Variants in PTPRN2 observed in about 807,000 individuals in gnomAD.
PTPRN2 encodes the protein receptor-type tyrosine-protein phosphatase N2.
PTPRN2 carries 74 observed loss-of-function variants against 118.8 expected under a neutral mutation model. That is an observed-to-expected ratio of 0.62 (90% CI 0.52 to 0.76). PTPRN2 has a LOEUF of 0.76. PTPRN2 is among the 30% of genes least tolerant of loss of function. The pLI, the probability that PTPRN2 is intolerant of heterozygous loss-of-function variation, is 0.00. For missense variants in PTPRN2, 1,481 were observed against 1,394.4 expected (o/e 1.06, Z -0.99); for synonymous variants, 641 against 608.0 (o/e 1.05, Z -0.80).
At chr7:157,804,497 C>A (rs906265157) in intron 12 of PTPRN2, among the ~76,000 whole-genome samples, 2 of 152,028 alleles carry the variant, frequency 1.3e-5, no homozygotes, top group African/African-American at 4.8e-5. Context: ...GCCAAGGTCC[C>A]AGCCAAAAAG....
intron 2 of PTPRN2, among the ~76,000 whole-genome samples, chr7:158,390,383 A>G (rs909009047): frequency 1.3e-5 from 2 of 152,224 alleles, no homozygotes; most frequent in African/African-American, 4.8e-5. Flanking sequence ...TGGGAAACAC[A>G]TTTGCCTTCA....
At chr7:158,131,197 C>T (rs185184661) in intron 9 of PTPRN2, among the ~76,000 whole-genome samples, 1 of 151,752 alleles carries the variant, frequency 6.6e-6, no homozygotes, top group Non-Finnish European at 1.5e-5. Context: ...ACCTGACATA[C>T]ACACTCATAT....
rs562297091 is a variant in PTPRN2 at position 158,162,048 on chromosome 7, C to A, written c.910+4883G>T. 5.3e-5 allele frequency among the ~76,000 whole-genome samples: 8 copies of A among 152,238 alleles called. No individual in the cohort carries two copies. The South Asian group carries it at 1.7e-3, about 32-fold the overall frequency. On this transcript the variant is annotated intron_variant, in intron 6 of 22. Transcript: ENST00000389418. ...ATGACAACGAGACACCACCACACAC[C>A]TCTCAGAAGGGCCGGAACCCAGAAC... is the stretch of plus-strand genomic sequence containing the variant.
chr7:158,080,328 A>C (rs970899794), intron 11 of PTPRN2, among the ~76,000 whole-genome samples: 3 of 150,940 alleles, frequency 2.0e-5, no homozygotes, highest in Non-Finnish European at 4.4e-5. Context: ...AAAAAAAAAA[A>C]AAAAAAAAAA....
chr7:158,191,061 C>T (rs577779868), intron 5 of PTPRN2, among the ~76,000 whole-genome samples: 36 of 152,382 alleles, frequency 2.4e-4, no homozygotes, highest in African/African-American at 7.9e-4. Context: ...GTGGTTCCCA[C>T]GCTTGGTGCA....
At chr7:158,330,760 A>G (rs1212523605) in intron 2 of PTPRN2, among the ~76,000 whole-genome samples, 1 of 105,506 alleles carries the variant, frequency 9.5e-6, no homozygotes, top group Admixed American at 1.1e-4. Flanking sequence ...CTCTCACCAT[A>G]AGAGCTGACA....
intron 3 of PTPRN2, among the ~76,000 whole-genome samples, chr7:158,261,324 G>T (rs11970802): frequency 0.26 from 39,943 of 151,644 alleles, 5,479 homozygotes; most frequent in Middle Eastern, 0.32. Flanking sequence ...AAGGAGTCAG[G>T]GGGAGGGAGG....
chr7:158,167,310 A>C lies in PTPRN2; in HGVS notation c.550-19T>G, dbSNP rs536398003. ...CATCACCCTGAAGGAAAGGAGAGCA[A>C]AACAGAGCAAGAGTCACATTTCCAT... is the stretch of plus-strand genomic sequence containing the variant. On this transcript the variant is annotated intron_variant, in intron 5 of 22. Transcript: ENST00000389418. 29 of 1,563,978 alleles carry C rather than the reference A, an allele frequency of 1.9e-5. No homozygotes were observed. The South Asian group carries it at 2.7e-4, about 14-fold the overall frequency.
At chr7:158,154,262 T>C (rs554233467) in intron 6 of PTPRN2, among the ~76,000 whole-genome samples, 1 of 152,304 alleles carries the variant, frequency 6.6e-6, no homozygotes, top group African/African-American at 2.4e-5. Context: ...TTCACCACAG[T>C]TGGGACTCGG....
intron 11 of PTPRN2, among the ~76,000 whole-genome samples, chr7:158,024,573 A>G (rs937744987): frequency 1.3e-5 from 2 of 152,240 alleles, no homozygotes; most frequent in Admixed American, 1.3e-4. Flanking sequence ...GGTCATAGGC[A>G]TTGTAAGCCA....
At chr7:157,772,126 TACAC>T (rs915608252) in intron 12 of PTPRN2, among the ~76,000 whole-genome samples, 13 of 120,022 alleles carry the variant, frequency 1.1e-4, no homozygotes, top group South Asian at 5.3e-4. Flanking sequence ...GACATACACA[TACAC>T]AGACAGACAC....
chr7:157,905,802 C>A (rs1303418502), intron 11 of PTPRN2, among the ~76,000 whole-genome samples: 5 of 152,178 alleles, frequency 3.3e-5, no homozygotes, highest in African/African-American at 4.8e-5. Flanking sequence ...AGGGAGAGCA[C>A]CCAGGCCCGG....
chr7:158,059,133 C>T (rs1442058843), intron 11 of PTPRN2, among the ~76,000 whole-genome samples: 1 of 101,042 alleles, frequency 9.9e-6, no homozygotes, highest in African/African-American at 4.8e-5. Flanking sequence ...CTCCATCTGC[C>T]CACGGTGAGA....
At position 157,927,310 on chromosome 7, in the gene PTPRN2, C is replaced by G. The variant is rs1382474600; in HGVS notation, c.1724-28573G>C. Among the ~76,000 whole-genome samples, 92 of 61,728 alleles carry G rather than the reference C, an allele frequency of 1.5e-3. 11 individuals carry two copies. The highest frequency in any genetic ancestry group is 7.0e-3 in the African/African-American group (73 of 10,438). The allele number at this position is 61,728 out of a possible 152,430, so 40.5% of individuals were successfully genotyped here. A position where few individuals can be genotyped will look rare whatever the true frequency, so the allele number is the denominator to read the frequency against. ...CCGTCTGAGAGCAGAGACCTCATGT[C>G]TTCTGGGACCCCAAGACAGGAAGCC... On this transcript the variant is annotated intron_variant, in intron 11 of 22. Transcript: ENST00000389418.
intron 11 of PTPRN2, among the ~76,000 whole-genome samples, chr7:157,908,869 AGT>A (rs1362253368): frequency 6.9e-6 from 1 of 144,428 alleles, no homozygotes; most frequent in Non-Finnish European, 1.5e-5. Context: ...TTTGAAGCAT[AGT>A]TTTAGTTTAC....
At chr7:157,631,012 T>G (rs1393441512) in intron 14 of PTPRN2, among the ~76,000 whole-genome samples, 11 of 152,190 alleles carry the variant, frequency 7.2e-5, no homozygotes. Flanking sequence ...TGGATGTGAA[T>G]TAATGCCATT....
chr7:158,131,578 A>G (rs1024072479), intron 9 of PTPRN2, among the ~76,000 whole-genome samples: 7 of 151,344 alleles, frequency 4.6e-5, no homozygotes, highest in African/African-American at 1.7e-4. Flanking sequence ...CCCGACATAC[A>G]CACTCATACA....
chr7:158,156,591 T>G (rs112226349), intron 6 of PTPRN2, among the ~76,000 whole-genome samples: 1 of 152,140 alleles, frequency 6.6e-6, no homozygotes, highest in South Asian at 2.1e-4. Context: ...AGAGGGCAGG[T>G]GAACACACAG....
chr7:158,168,748 T>A (rs1823256798), intron 5 of PTPRN2, among the ~76,000 whole-genome samples: 1 of 151,966 alleles, frequency 6.6e-6, no homozygotes, highest in African/African-American at 2.4e-5. Context: ...CTCACTCATT[T>A]AGTAAAATTC....
Sources: allele counts gnomAD v4.1 joint callset (sites outside exome capture counted in the v4.1 genomes callset), GRCh38; gene constraint gnomAD v4.1.1; transcripts MANE v1.5; gene names NCBI Gene and HGNC (gene_info 2026-07-23, HGNC 2026-07-21).